DNHD1: variants seen among roughly 807,000 people sequenced by gnomAD.
DNHD1 encodes the protein dynein heavy chain domain 1.
A neutral mutation model predicts 458.1 loss-of-function variants in DNHD1; 383 were observed. That is an observed-to-expected ratio of 0.84 (90% confidence interval 0.77 to 0.91). The LOEUF is 0.91. Ranked by LOEUF, DNHD1 falls within the 40% of genes least tolerant of loss-of-function variation. The probability of loss-of-function intolerance (pLI) is 0.00; values close to 1 mark genes in which losing one functional copy is unlikely to be tolerated. For missense variants in DNHD1, 5,336 were observed against 5,866.1 expected (o/e 0.91, Z 2.95); for synonymous variants, 2,203 against 2,376.9 (o/e 0.93, Z 2.13).
intron 14 of DNHD1, among the ~76,000 whole-genome samples, chr11:6,537,657 G>T (rs1053056926): frequency 7.9e-5 from 12 of 152,186 alleles, no homozygotes; most frequent in Non-Finnish European, 1.8e-4. Flanking sequence ...GTCTGGCTAG[G>T]CGCAATGGCT....
intron 6 of DNHD1, among the ~76,000 whole-genome samples, 181 bp downstream of exon 6, chr11:6,509,453 A>G (rs928671523): frequency 5.3e-5 from 8 of 152,208 alleles, no homozygotes; most frequent in African/African-American, 1.4e-4. Context: ...TATCACATAC[A>G]CAAAATGTGA....
intron 28 of DNHD1, among the ~76,000 whole-genome samples, chr11:6,561,480 G>A (rs1853586633): frequency 6.6e-6 from 1 of 152,142 alleles, no homozygotes; most frequent in South Asian, 2.1e-4. Context: ...AATAAGAGGA[G>A]ATAGGGCACT....
At position 6,563,827 on chromosome 11, in the gene DNHD1, G is replaced by A. The variant is rs1346308040; in HGVS notation, c.9987G>A (p.Trp3329Ter). Residue 3329 changes from tryptophan to a stop codon, truncating the protein, a stop_gained, in exon 31 of 43, where the codon TGG becomes TGA. Transcript: ENST00000254579. LOFTEE classifies it high-confidence loss of function. ...VSRPAASLAAWLWAVLHYGLA... is the reference protein window; with the variant it reads ...VSRPAASLAA ...GACCTGCAGCCAGCCTGGCAGCCTG[G>A]CTCTGGGCTGTTCTGCACTATGGGC... 1 of 1,551,690 alleles carries A rather than the reference G, an allele frequency of 6.4e-7. No homozygotes were observed. The highest frequency in any genetic ancestry group is 8.7e-7 in the Non-Finnish European group (1 of 1,147,008).
chr11:6,564,607 A>G lies in DNHD1; in HGVS notation c.10559A>G (p.Gln3520Arg), dbSNP rs1564823040. 1 of 1,551,740 alleles carries G rather than the reference A, an allele frequency of 6.4e-7. No individual in the cohort carries two copies. The highest frequency in any genetic ancestry group is 8.7e-7 in the Non-Finnish European group (1 of 1,147,004). Residue 3520 changes from glutamine (Q) to arginine (R), a missense_variant, in exon 32 of 43, where the codon CAG becomes CGG. Gln to Arg is a conservative substitution (Grantham distance 43, BLOSUM62 1). Around this residue, in one of 4 missense-constraint regions of DNHD1, gnomAD observed 3,932 missense variants for 4,365.6 expected, o/e 0.90. Coordinates refer to ENST00000254579, the MANE Select transcript of DNHD1 (RefSeq NM_144666.3). Reference protein sequence around the residue: ...ILSLLSSESEQYQWDGNLKPQ... With the variant: ...ILSLLSSESERYQWDGNLKPQ... ...TCCTTGCTGAGCTCTGAATCGGAGC[A>G]GTACCAGTGGGATGGAAACCTGAAG... is the stretch of plus-strand genomic sequence containing the variant.
chr11:6,569,898 A>G lies in DNHD1; in HGVS notation c.12864-111A>G, dbSNP rs1465469904. 23 of 807,704 alleles carry G rather than the reference A, an allele frequency of 2.8e-5. No individual in the cohort carries two copies. In the Admixed American group the frequency reaches 5.1e-4, roughly 18 times the overall value. 50.0% of individuals were successfully genotyped at this position (807,704 alleles called of 1,614,324 possible). Reference sequence around the variant, plus strand: ...AAAGCAAGTTGTATTTGAGGTGCCAAGTGGCAATGAACCCGAAGCTCAGGA... The same window carrying G: ...AAAGCAAGTTGTATTTGAGGTGCCAGGTGGCAATGAACCCGAAGCTCAGGA... On this transcript the variant is annotated intron_variant, in intron 39 of 42. Coordinates refer to ENST00000254579, the MANE Select transcript of DNHD1 (RefSeq NM_144666.3).
At chr11:6,558,787 C>A in intron 26 of DNHD1, 94 bp downstream of exon 26, 1 of 1,488,884 alleles carries the variant, frequency 6.7e-7, no homozygotes, top group Non-Finnish European at 9.1e-7. Flanking sequence ...CTCTCTAGAG[C>A]CTACAGAGCC....
intron 10 of DNHD1, among the ~76,000 whole-genome samples, chr11:6,521,812 G>A (rs1479000674): frequency 1.3e-5 from 2 of 152,160 alleles, no homozygotes; most frequent in Non-Finnish European, 2.9e-5. Context: ...AACCTCCTGG[G>A]CTCAAGTGAT....
chr11:6,539,990 G>C lies in DNHD1; in HGVS notation c.3535G>C (p.Glu1179Gln). 6.4e-7 allele frequency: 1 copy of C among 1,551,578 alleles called. No homozygotes were observed. Among genetic ancestry groups the C allele is most frequent in the Non-Finnish European group, 8.7e-7 (1 of 1,146,872 alleles). Residue 1179 changes from glutamate to glutamine, a missense_variant, in exon 18 of 43, where the codon GAG (glutamate) becomes CAG (glutamine). By Grantham distance (29) the Glu-to-Gln change is conservative. Around this residue, in one of 4 missense-constraint regions of DNHD1, gnomAD observed 3,932 missense variants for 4,365.6 expected, o/e 0.90. Transcript: ENST00000254579. ...CAACTTCATCCTGCATGTACCCTAC[G>C]AGCCCCCAGCCTCAGAGCGCTCCAA... The part of the protein sequence containing the change: ...LLNFILHVPY[E>Q]PPASERSKRQ...
chr11:6,499,756 C>T (rs774048053), intron 3 of DNHD1, among the ~76,000 whole-genome samples: 8 of 151,854 alleles, frequency 5.3e-5, no homozygotes, highest in Non-Finnish European at 7.4e-5. Context: ...TTAGTAGAGA[C>T]GGAGTTTCAC....
intron 19 of DNHD1, 40 bp from the exon 20 acceptor site, chr11:6,544,534 C>G: frequency 1.3e-6 from 2 of 1,499,582 alleles, no homozygotes; most frequent in South Asian, 2.4e-5. Context: ...AGGTAGAACC[C>G]TAGTGTTTCC....
chr11:6,544,282 A>G (rs779855895), intron 19 of DNHD1, 36 bp downstream of exon 19: 2 of 1,550,646 alleles, frequency 1.3e-6, no homozygotes, highest in South Asian at 2.4e-5. Context: ...GATGGGTGAG[A>G]CCTGAGGCAG....
Position 6,545,243 on chromosome 11 carries a change from A to G in DNHD1, c.4304A>G (p.Gln1435Arg), listed in dbSNP as rs1167517661. The G allele has an allele frequency of 6.4e-7, 1 of 1,551,756 alleles. No individual in the cohort carries two copies. The highest frequency in any genetic ancestry group is 2.0e-5 in the Admixed American group (1 of 50,998). Residue 1435 changes from glutamine (Q) to arginine (R), a missense_variant, in exon 21 of 43, where the codon CAG (glutamine) becomes CGG (arginine). Physicochemically the swap from Gln to Arg is conservative, Grantham distance 43. This residue lies in a region of DNHD1 where 3,932 missense variants were observed against 4,365.6 expected (regional missense o/e 0.90). Coordinates refer to ENST00000254579, the MANE Select transcript of DNHD1 (RefSeq NM_144666.3). The surrounding 1 kb of genome is among the most constrained non-coding windows in gnomAD (Gnocchi z 4.9). ...LGAGGEEVKL[Q>R]GPLPLHPDLP... The stretch of plus-strand genomic sequence containing the variant: ...GCAGGTGGGGAGGAGGTGAAGCTGC[A>G]GGGTCCCCTTCCTCTGCATCCAGAT...
chr11:6,507,745 CT>C (rs922846074), intron 4 of DNHD1, among the ~76,000 whole-genome samples: 11 of 152,168 alleles, frequency 7.2e-5, no homozygotes, highest in Non-Finnish European at 1.5e-4. Flanking sequence ...AGTCAGGTAA[CT>C]TTGGTTTTAA....
In DNHD1 at chr11:6,498,596, A is replaced by G; in HGVS notation, c.381A>G (p.Leu127=). Residue 127 remains leucine (L), a synonymous_variant, in exon 3 of 43, where the codon CTA becomes CTG. Transcript: ENST00000254579. Reference sequence around the variant, plus strand: ...AAACCCACCTCCATCTGGACCTGCTAGGTGCCATTGTCCAGGCCTTTCCTC... The same window carrying G: ...AAACCCACCTCCATCTGGACCTGCTGGGTGCCATTGTCCAGGCCTTTCCTC... ...WVQTHLHLDL[L]GAIVQAFPPD... is the part of the protein sequence containing the mutation. The G allele has an allele frequency of 6.2e-7, 1 of 1,614,204 alleles. No individual in the cohort carries two copies. Among genetic ancestry groups the G allele is most frequent in the Non-Finnish European group, 8.5e-7 (1 of 1,180,032 alleles).
chr11:6,509,248 G>A lies in DNHD1; in HGVS notation c.1211G>A (p.Gly404Glu), dbSNP rs1412472589. 1.2e-6 allele frequency: 2 copies of A among 1,614,020 alleles called. No homozygotes were observed. Among genetic ancestry groups the A allele is most frequent in the African/African-American group, 2.7e-5 (2 of 74,902 alleles). The change falls in exon 6 of 43, where the codon GGA (glycine) becomes GAA (glutamate). Residue 404 changes from glycine to glutamate, a missense_variant. This residue lies in a region of DNHD1 where 3,932 missense variants were observed against 4,365.6 expected (regional missense o/e 0.90). Coordinates refer to ENST00000254579, the MANE Select transcript of DNHD1 (RefSeq NM_144666.3). Reference sequence around the variant, plus strand: ...CTGCTCTTGGCTGTGCCCCACTTTGGAGCTGGGCTACTCCATATTAGCAGG... The same window carrying A: ...CTGCTCTTGGCTGTGCCCCACTTTGAAGCTGGGCTACTCCATATTAGCAGG... ...NHLLLAVPHF[G>E]AGLLHISRLL...
intron 39 of DNHD1, among the ~76,000 whole-genome samples, chr11:6,569,427 G>A (rs1046887243): frequency 6.6e-6 from 1 of 152,012 alleles, no homozygotes; most frequent in South Asian, 2.1e-4. Context: ...AGCTTGCAGT[G>A]AGCCGAGATT....
intron 15 of DNHD1, 37 bp from the exon 16 acceptor site, chr11:6,538,575 A>G (rs1195611103): frequency 6.4e-7 from 1 of 1,550,488 alleles, no homozygotes; most frequent in African/African-American, 1.4e-5. Context: ...GGGGAGGGGA[A>G]GAGTCTCAAG....
At position 6,568,747 on chromosome 11, in the gene DNHD1, A is replaced by T. The variant is rs764010032; in HGVS notation, c.12744A>T (p.Leu4248=). The T allele has an allele frequency of 1.9e-6, 3 of 1,613,534 alleles. No homozygotes were observed. The highest frequency in any genetic ancestry group is 1.3e-5 in the African/African-American group (1 of 74,908). Residue 4248 remains leucine (L), a synonymous_variant, in exon 39 of 43, where the codon CTA becomes CTT. Transcript: ENST00000254579. ...LGHVLIDSVE[L]AQQVLYMQPP... is the part of the protein sequence containing the mutation. ...ATGTTTTGATTGACAGTGTGGAGCT[A>T]GCCCAGCAAGTACTCTACATGCAAC...
In DNHD1 at chr11:6,557,076, T is replaced by G; in HGVS notation, c.7781T>G (p.Val2594Gly). 1.3e-6 allele frequency: 2 copies of G among 1,551,722 alleles called. No homozygotes were observed. The highest frequency in any genetic ancestry group is 1.7e-6 in the Non-Finnish European group (2 of 1,147,004). ...HPHYHFSLHS[V>G]SHLLSSLQLL... is the part of the protein sequence containing the mutation. ...CACTACCACTTCTCCCTACACTCTG[T>G]GAGCCACCTACTGAGCAGCCTGCAG... The change falls in exon 25 of 43, where the codon GTG (valine) becomes GGG (glycine). Residue 2594 changes from valine (V) to glycine (G), a missense_variant. By Grantham distance (109) the Val-to-Gly change is moderately radical. Coordinates refer to ENST00000254579, the MANE Select transcript of DNHD1 (RefSeq NM_144666.3).
Sources: gnomAD v4.1 joint callset for allele counts (sites outside exome capture counted in the v4.1 genomes callset) on GRCh38, gnomAD v4.1.1 for gene constraint, gnomAD v4.1.1 regional missense constraint, Gnocchi (gnomAD v3.1) non-coding constraint, MANE v1.5 for transcripts, NCBI Gene and HGNC (gene_info 2026-07-23, HGNC 2026-07-21) for gene names.